The following CFAP221 variants were observed in gnomAD, a reference collection of about 807,000 sequenced individuals.
The protein encoded by CFAP221 is cilia and flagella associated protein 221.
CFAP221 carries 97 observed loss-of-function variants against 113.1 expected under a neutral mutation model. The ratio of observed to expected loss-of-function variants is 0.86; its 90% confidence interval spans 0.73 to 1.02. CFAP221 has a LOEUF of 1.02. Among genes scored for constraint, CFAP221 ranks in the 50% least tolerant of loss-of-function variants. CFAP221 has a pLI of 0.00. For synonymous variants in CFAP221, 331 were observed against 354.4 expected (o/e 0.93, Z 0.74); for missense variants, 1,025 against 1,013.4 (o/e 1.01, Z -0.16).
chr2:119,629,569 A>G (rs1450287898), intron 16 of CFAP221, among the ~76,000 whole-genome samples: 2 of 151,940 alleles, frequency 1.3e-5, no homozygotes, highest in African/African-American at 4.8e-5. Flanking sequence ...CTATCCCTAC[A>G]CTCCTGGCAG....
intron 7 of CFAP221, among the ~76,000 whole-genome samples, chr2:119,589,059 G>A (rs761123393): frequency 2.6e-5 from 4 of 152,300 alleles, no homozygotes; most frequent in Admixed American, 1.3e-4. Context: ...TTTGGGACCC[G>A]TCTTTTGCTG....
At chr2:119,610,758 G>A (rs1256911115) in intron 12 of CFAP221, among the ~76,000 whole-genome samples, 2 of 152,144 alleles carry the variant, frequency 1.3e-5, no homozygotes, top group Non-Finnish European at 2.9e-5. Flanking sequence ...TTCCAAATAA[G>A]TCTTTTAAAA....
intron 6 of CFAP221, among the ~76,000 whole-genome samples, chr2:119,585,101 C>T (rs551481732): frequency 5.9e-4 from 90 of 152,192 alleles, no homozygotes; most frequent in African/African-American, 2.0e-3. Flanking sequence ...ACTCTTCACT[C>T]GTTAAAATGA....
At chr2:119,593,853 C>T (rs561320836) in intron 7 of CFAP221, among the ~76,000 whole-genome samples, 22 of 151,488 alleles carry the variant, frequency 1.5e-4, no homozygotes, top group African/African-American at 4.1e-4. Context: ...AAAAACAAAA[C>T]GAAACAACAA....
chr2:119,554,527 T>A (rs1318231540), intron 3 of CFAP221, among the ~76,000 whole-genome samples: 4 of 152,214 alleles, frequency 2.6e-5, no homozygotes, highest in Non-Finnish European at 5.9e-5. Flanking sequence ...TTACCTTAAA[T>A]AAATGAACAG....
At chr2:119,659,899 AGG>A, downstream of CFAP221, among the ~76,000 whole-genome samples, 1 of 152,204 alleles carries the variant, frequency 6.6e-6, no homozygotes, top group Non-Finnish European at 1.5e-5. Flanking sequence ...ATGTTTGTTC[AGG>A]GAATTGCTTC....
At chr2:119,621,265 TAAAAC>T (rs1558969888) in intron 14 of CFAP221, among the ~76,000 whole-genome samples, 2 of 147,912 alleles carry the variant, frequency 1.4e-5, no homozygotes, top group African/African-American at 5.0e-5. Flanking sequence ...TAGGCTCTGA[TAAAAC>T]AGACTTTAAA....
At chr2:119,601,433 G>C in intron 8 of CFAP221, 56 bp downstream of exon 8, 1 of 1,386,392 alleles carries the variant, frequency 7.2e-7, no homozygotes, top group Non-Finnish European at 9.5e-7. Flanking sequence ...GAAAATCCAA[G>C]TCTTCCTTTC....
intron 22 of CFAP221, among the ~76,000 whole-genome samples, chr2:119,651,247 G>A (rs1688111062): frequency 1.3e-5 from 2 of 152,114 alleles, no homozygotes; most frequent in Non-Finnish European, 2.9e-5. Context: ...CAAAGCTCTA[G>A]GCCAGAGGTC....
At chr2:119,595,118 A>G (rs1463056919) in intron 7 of CFAP221, among the ~76,000 whole-genome samples, 1 of 152,254 alleles carries the variant, frequency 6.6e-6, no homozygotes, top group Non-Finnish European at 1.5e-5. Flanking sequence ...GGTCACAGAC[A>G]GTGGGCATGG....
chr2:119,588,102 C>A (rs1448763486), intron 7 of CFAP221, among the ~76,000 whole-genome samples: 1 of 152,142 alleles, frequency 6.6e-6, no homozygotes, highest in East Asian at 1.9e-4. Context: ...AATAAATGGT[C>A]ACTAAAATTA....
chr2:119,574,072 A>G (rs1682255127), intron 6 of CFAP221, among the ~76,000 whole-genome samples: 1 of 152,228 alleles, frequency 6.6e-6, no homozygotes, highest in Non-Finnish European at 1.5e-5. Context: ...ATAGACTGAA[A>G]AACCTAAGAT....
chr2:119,583,304 C>G (rs1015694168), intron 6 of CFAP221, among the ~76,000 whole-genome samples: 1 of 151,666 alleles, frequency 6.6e-6, no homozygotes, highest in Non-Finnish European at 1.5e-5. Context: ...CTCTTCACTT[C>G]CATTCAGTAT....
At chr2:119,544,806 G>A (rs1038225497) in intron 1 of CFAP221, among the ~76,000 whole-genome samples, 2 of 152,116 alleles carry the variant, frequency 1.3e-5, no homozygotes, top group African/African-American at 2.4e-5. Flanking sequence ...AGGGAACGAG[G>A]GTGCGGCGGT....
intron 6 of CFAP221, among the ~76,000 whole-genome samples, chr2:119,565,200 C>T (rs1418424689): frequency 6.6e-6 from 1 of 151,080 alleles, no homozygotes; most frequent in African/African-American, 2.4e-5. Context: ...TCGCTCACTC[C>T]TCCTCAGTAT....
chr2:119,550,106 G>A (rs1680315741), intron 3 of CFAP221, among the ~76,000 whole-genome samples: 1 of 152,176 alleles, frequency 6.6e-6, no homozygotes, highest in East Asian at 1.9e-4. Context: ...TTGTTGGGGA[G>A]GGGCGGAGGT....
Position 119,611,668 on chromosome 2 carries a change from C to A in CFAP221, c.1237C>A (p.Pro413Thr). Residue 413 changes from proline to threonine, a missense_variant, in exon 13 of 24, where the codon CCT becomes ACT. Transcript: ENST00000413369. ...CAKYKLDRGD[P>T]ILDEEFQRLK... ...AAAAACCCAGCTAGACAGAGGAGATCCTATTTTGGATGAGGAATTTCAGCG... is the reference window on the plus strand; with the variant it reads ...AAAAACCCAGCTAGACAGAGGAGATACTATTTTGGATGAGGAATTTCAGCG... 1 of 1,613,316 alleles carries A rather than the reference C, an allele frequency of 6.2e-7. No individual in the cohort carries two copies. The highest frequency in any genetic ancestry group is 8.5e-7 in the Non-Finnish European group (1 of 1,179,758).
chr2:119,599,586 G>T (rs914029578), intron 7 of CFAP221, among the ~76,000 whole-genome samples: 2 of 152,144 alleles, frequency 1.3e-5, no homozygotes, highest in African/African-American at 4.8e-5. Context: ...AATTGCAAGT[G>T]CTGAGCCAGT....
chr2:119,568,822 G>T (rs912320204), intron 6 of CFAP221, among the ~76,000 whole-genome samples: 22 of 152,100 alleles, frequency 1.4e-4, no homozygotes. Flanking sequence ...GTAAGTTCAA[G>T]TTTTGACCCA....
Sources: gnomAD v4.1 joint callset for allele counts (sites outside exome capture counted in the v4.1 genomes callset) on GRCh38, gnomAD v4.1.1 for gene constraint, MANE v1.5 for transcripts, NCBI Gene and HGNC (gene_info 2026-07-23, HGNC 2026-07-21) for gene names.